Variants in SLC24A2 observed in about 807,000 individuals in gnomAD.
SLC24A2 encodes solute carrier family 24 member 2.
In SLC24A2, 36 loss-of-function variants were observed where a neutral mutation model predicts 62.0. The observed-to-expected ratio is 0.58, with a 90% CI of 0.44 to 0.77. The LOEUF (loss-of-function observed/expected upper bound fraction) is 0.77, where lower values mean the gene tolerates loss of function less well. SLC24A2 is among the 30% of genes least tolerant of loss of function. The probability of loss-of-function intolerance (pLI) is 0.00; values close to 1 mark genes in which losing one functional copy is unlikely to be tolerated. For synonymous variants in SLC24A2, 358 were observed against 294.0 expected (o/e 1.22, Z -2.23); for missense variants, 846 against 817.9 (o/e 1.03, Z -0.42).
At chr9:20,123,134 G>T in the SLC24A2 span, among the ~76,000 whole-genome samples, 2 of 152,160 alleles carry the variant, frequency 1.3e-5, no homozygotes, top group African/African-American at 4.8e-5. Flanking sequence ...GGCAGATTCA[G>T]TATCTAGTGA....
intron 2 of SLC24A2, among the ~76,000 whole-genome samples, chr9:19,745,824 C>A (rs886586753): frequency 6.6e-6 from 1 of 152,126 alleles, no homozygotes; most frequent in Non-Finnish European, 1.5e-5. Context: ...GCCCATCTAA[C>A]CATCATATGT....
intron 2 of SLC24A2, among the ~76,000 whole-genome samples, chr9:19,667,222 C>A (rs1182082021): frequency 6.6e-6 from 1 of 152,148 alleles, no homozygotes; most frequent in Admixed American, 6.5e-5. Flanking sequence ...AAAGCCATGC[C>A]TTCTGCAACC....
At chr9:19,519,647 G>C (rs1465472806) in intron 10 of SLC24A2, among the ~76,000 whole-genome samples, 1 of 152,138 alleles carries the variant, frequency 6.6e-6, no homozygotes, top group Non-Finnish European at 1.5e-5. Context: ...ATGAGTTCCT[G>C]CTCTTGGGAT....
chr9:19,852,327 G>C, the SLC24A2 span, among the ~76,000 whole-genome samples: 1 of 152,144 alleles, frequency 6.6e-6, no homozygotes, highest in African/African-American at 2.4e-5. Flanking sequence ...AGTTTAATTA[G>C]ATCCCATTTG....
chr9:19,974,426 T>C, the SLC24A2 span, among the ~76,000 whole-genome samples: 1 of 152,188 alleles, frequency 6.6e-6, no homozygotes, highest in Non-Finnish European at 1.5e-5. Flanking sequence ...TCCTCAGTAA[T>C]TGGTCCCTAA....
At chr9:20,148,482 AG>A in the SLC24A2 span, among the ~76,000 whole-genome samples, 1 of 152,090 alleles carries the variant, frequency 6.6e-6, no homozygotes, top group Non-Finnish European at 1.5e-5. Context: ...GCTGGATGTG[AG>A]TTATGACTAC....
the SLC24A2 span, among the ~76,000 whole-genome samples, chr9:19,832,476 A>C: frequency 1.3e-5 from 2 of 152,346 alleles, no homozygotes; most frequent in South Asian, 2.1e-4. Flanking sequence ...CAGGGACGAA[A>C]ACAAGAAATG....
chr9:20,213,645 G>A, the SLC24A2 span, among the ~76,000 whole-genome samples: 1 of 152,056 alleles, frequency 6.6e-6, no homozygotes, highest in Non-Finnish European at 1.5e-5. Flanking sequence ...TTTTTAAATT[G>A]AATAATACTC....
At chr9:20,256,949 CTT>C in the SLC24A2 span, among the ~76,000 whole-genome samples, 9 of 151,876 alleles carry the variant, frequency 5.9e-5, no homozygotes, top group African/African-American at 1.9e-4. Flanking sequence ...CACACACACA[CTT>C]GCCTAAAGTG....
chr9:20,205,700 T>TTATTCAGA, the SLC24A2 span, among the ~76,000 whole-genome samples: 1 of 148,772 alleles, frequency 6.7e-6, no homozygotes, highest in Non-Finnish European at 1.5e-5. Flanking sequence ...TTACCTCAGG[T>TTATTCAGA]TATTCAGATT....
At chr9:20,087,044 A>T in the SLC24A2 span, among the ~76,000 whole-genome samples, 1 of 152,334 alleles carries the variant, frequency 6.6e-6, no homozygotes, top group South Asian at 2.1e-4. Flanking sequence ...TATATTTTCC[A>T]TGTGGAAATG....
At chr9:19,661,155 G>A (rs979268692) in intron 2 of SLC24A2, among the ~76,000 whole-genome samples, 3 of 151,572 alleles carry the variant, frequency 2.0e-5, no homozygotes, top group South Asian at 2.1e-4. Context: ...AGAGAAACAC[G>A]GTAAAAAATC....
At chr9:19,726,721 T>C (rs775423963) in intron 2 of SLC24A2, among the ~76,000 whole-genome samples, 1 of 152,234 alleles carries the variant, frequency 6.6e-6, no homozygotes, top group African/African-American at 2.4e-5. Context: ...TATTCACATA[T>C]GGTTAACATA....
intron 8 of SLC24A2, among the ~76,000 whole-genome samples, chr9:19,530,177 G>C (rs1054746804): frequency 6.7e-6 from 1 of 149,738 alleles, no homozygotes; most frequent in African/African-American, 2.5e-5. Flanking sequence ...AAGGCATTTA[G>C]CTTATTAAAG....
the SLC24A2 span, among the ~76,000 whole-genome samples, chr9:20,232,653 T>C: frequency 6.6e-6 from 1 of 152,220 alleles, no homozygotes; most frequent in Non-Finnish European, 1.5e-5. Flanking sequence ...TTGCTAGCGG[T>C]CTATCAATTT....
chr9:20,056,999 G>A, the SLC24A2 span, among the ~76,000 whole-genome samples: 1 of 152,250 alleles, frequency 6.6e-6, no homozygotes, highest in Middle Eastern at 3.4e-3. Flanking sequence ...TCTCCCTAAA[G>A]CATTAATTTT....
chr9:20,236,127 A>G, the SLC24A2 span, among the ~76,000 whole-genome samples: 2 of 152,202 alleles, frequency 1.3e-5, no homozygotes, highest in South Asian at 4.1e-4. Flanking sequence ...TAAAGTATCT[A>G]TCAGCAGCAG....
At chr9:20,213,921 T>A in the SLC24A2 span, among the ~76,000 whole-genome samples, 2 of 152,248 alleles carry the variant, frequency 1.3e-5, no homozygotes, top group African/African-American at 4.8e-5. Context: ...TCACCCTGTG[T>A]TTCCCTTATT....
the SLC24A2 span, among the ~76,000 whole-genome samples, chr9:20,281,351 A>G: frequency 6.6e-6 from 1 of 152,234 alleles, no homozygotes; most frequent in African/African-American, 2.4e-5. Context: ...ACATATATTC[A>G]AATATGCACA....
Sources: allele counts gnomAD v4.1 joint callset (sites outside exome capture counted in the v4.1 genomes callset), GRCh38; gene constraint gnomAD v4.1.1; transcripts MANE v1.5; gene names NCBI Gene and HGNC (gene_info 2026-07-23, HGNC 2026-07-21).